PTPN13: variants seen among roughly 807,000 people sequenced by gnomAD.
The protein encoded by PTPN13 is tyrosine-protein phosphatase non-receptor type 13.
Under a neutral mutation model 284.0 loss-of-function variants are expected in PTPN13, and 191 were observed. The ratio of observed to expected loss-of-function variants is 0.67; its 90% CI spans 0.60 to 0.76. PTPN13 has a LOEUF of 0.76. PTPN13 is among the 30% of genes least tolerant of loss of function. PTPN13 has a pLI of 0.00. For synonymous variants in PTPN13, 986 were observed against 1,022.3 expected, an observed-to-expected ratio of 0.96 and a Z score of 0.68; for missense variants, 2,797 against 2,939.9, an observed-to-expected ratio of 0.95 and a Z score of 1.12.
At chr4:86,720,107 AC>A (rs1733491931) in intron 9 of PTPN13, among the ~76,000 whole-genome samples, 1 of 151,588 alleles carries the variant, frequency 6.6e-6, no homozygotes, top group Non-Finnish European at 1.5e-5. Flanking sequence ...CCAATTGAAA[AC>A]TCTTGCTTTT....
chr4:86,636,739 T>C (rs528131403), intron 2 of PTPN13, among the ~76,000 whole-genome samples: 2 of 151,842 alleles, frequency 1.3e-5, no homozygotes, highest in East Asian at 1.9e-4. Context: ...AGATCCAAAA[T>C]TGACACCCTA....
At chr4:86,783,226 A>T (rs1456231903) in intron 37 of PTPN13, among the ~76,000 whole-genome samples, 2 of 152,188 alleles carry the variant, frequency 1.3e-5, no homozygotes, top group African/African-American at 4.8e-5. Flanking sequence ...ACAGCAGAAC[A>T]TTTTAAGGTA....
At chr4:86,734,014 C>G (rs1735228047) in intron 12 of PTPN13, among the ~76,000 whole-genome samples, 2 of 152,150 alleles carry the variant, frequency 1.3e-5, no homozygotes, top group Admixed American at 6.5e-5. Flanking sequence ...AAACTGATGT[C>G]TAGAGAGGTA....
rs1410639091 is a variant in PTPN13, at chr4:86,689,716, A to G, written c.546+526A>G. On this transcript the variant is annotated intron_variant, in intron 5 of 47. Coordinates refer to ENST00000411767, the MANE Select transcript of PTPN13 (RefSeq NM_080683.3). Reference sequence around the variant, plus strand: ...GCTTGTATCCCTGCCAGATTTCCCCAAGACCTGGACTCTTCTAGTTTTTCT... The same window carrying G: ...GCTTGTATCCCTGCCAGATTTCCCCGAGACCTGGACTCTTCTAGTTTTTCT... 1.4e-5 allele frequency: 10 copies of G among 702,310 alleles called. 1 individual carries two copies. The South Asian group carries it at 1.5e-4, about 10-fold the overall frequency. The allele number at this position is 702,310 out of a possible 1,614,324, so 43.5% of individuals were successfully genotyped here.
Position 86,741,516 on chromosome 4 carries a change from G to A in PTPN13, c.2305-118G>A, listed in dbSNP as rs185508886. On this transcript the variant is annotated intron_variant, in intron 15 of 47. Transcript: ENST00000411767. ...TCTCAGTGGGTCTCTCCCATAACATGTGGGAATTCAAGATGAGATTTGTGG... is the reference window on the plus strand; with the variant it reads ...TCTCAGTGGGTCTCTCCCATAACATATGGGAATTCAAGATGAGATTTGTGG... 21 of 853,084 alleles carry A rather than the reference G, an allele frequency of 2.5e-5. 1 individual carries two copies. The Admixed American group carries it at 3.5e-4, about 14-fold the overall frequency. 52.8% of individuals were successfully genotyped at this position (853,084 alleles called of 1,614,324 possible).
Position 86,722,260 on chromosome 4 carries a change from C to A in PTPN13, c.1434C>A (p.Ile478=). Residue 478 remains isoleucine (I), a synonymous_variant, in exon 10 of 48, where the codon ATC becomes ATA. Transcript: ENST00000411767. ...AAGGCAACTTAATTAATCAAGAGAT[C>A]ATGCTAAAACGGCAAGAGGAAGAAC... is the stretch of plus-strand genomic sequence containing the variant. ...PFEGNLINQE[I]MLKRQEEELM... 6.2e-7 allele frequency: 1 copy of A among 1,613,782 alleles called. No homozygotes were observed. Among genetic ancestry groups the A allele is most frequent in the Non-Finnish European group, 8.5e-7 (1 of 1,179,808 alleles).
chr4:86,650,210 C>A (rs1724923264), intron 2 of PTPN13, among the ~76,000 whole-genome samples: 1 of 152,170 alleles, frequency 6.6e-6, no homozygotes, highest in Non-Finnish European at 1.5e-5. Context: ...TGGTCTCGAA[C>A]TCCTGACCTT....
chr4:86,660,653 A>G (rs1726381028), intron 2 of PTPN13, among the ~76,000 whole-genome samples: 1 of 152,146 alleles, frequency 6.6e-6, no homozygotes, highest in Non-Finnish European at 1.5e-5. Context: ...ATGTGTTTGA[A>G]CTGTGTGAAA....
chr4:86,790,325 A>T (rs1489981891), intron 40 of PTPN13, among the ~76,000 whole-genome samples: 1 of 152,200 alleles, frequency 6.6e-6, no homozygotes, highest in Non-Finnish European at 1.5e-5. Context: ...CTGAAAGGTC[A>T]TATTACAGGT....
chr4:86,767,850 C>A lies in PTPN13; in HGVS notation c.4363C>A (p.Pro1455Thr). Reference protein sequence around the residue: ...VHLLLEKGQSPTSKEHVPVTP... With the variant: ...VHLLLEKGQSTTSKEHVPVTP... ...TCTGTTATTAGAAAAGGGACAATCT[C>A]CAACATCTAAAGAACATGTCCCGGT... The change falls in exon 28 of 48, where the codon CCA becomes ACA. Residue 1455 changes from proline (P) to threonine (T), a missense_variant. Transcript: ENST00000411767. 1.3e-6 allele frequency: 2 copies of A among 1,598,248 alleles called. No individual in the cohort carries two copies. The highest frequency in any genetic ancestry group is 8.5e-7 in the Non-Finnish European group (1 of 1,171,212).
intron 2 of PTPN13, among the ~76,000 whole-genome samples, chr4:86,663,608 G>A (rs1726758053): frequency 6.6e-6 from 1 of 152,144 alleles, no homozygotes; most frequent in Admixed American, 6.5e-5. Flanking sequence ...CCATAATTAT[G>A]GGGCAGCATG....
chr4:86,813,654 T>C (rs1745475269), intron 47 of PTPN13, among the ~76,000 whole-genome samples: 1 of 152,150 alleles, frequency 6.6e-6, no homozygotes, highest in African/African-American at 2.4e-5. Context: ...CTTGAACTCC[T>C]GGCCTCAAGT....
In PTPN13 at chr4:86,734,822, T is replaced by G. The variant is rs747164588; in HGVS notation, c.2098T>G (p.Leu700Val). The change falls in exon 14 of 48, where the codon TTA (leucine) becomes GTA (valine). Residue 700 changes from leucine (L) to valine (V), a missense_variant. Physicochemically the swap from Leu to Val is conservative, Grantham distance 32. Transcript: ENST00000411767. The stretch of plus-strand genomic sequence containing the variant: ...GATGCACTGTGATGATGAGACTTCC[T>G]TATTGCTGGCATCCTTGGCTCTCCA... ...ERMHCDDETS[L>V]LLASLALQAE... The G allele has an allele frequency of 1.2e-6, 2 of 1,613,524 alleles. No individual in the cohort carries two copies. Among genetic ancestry groups the G allele is most frequent in the Non-Finnish European group, 1.7e-6 (2 of 1,179,568 alleles).
At chr4:86,668,895 C>T (rs1233304896) in intron 2 of PTPN13, among the ~76,000 whole-genome samples, 2 of 151,644 alleles carry the variant, frequency 1.3e-5, no homozygotes, top group Admixed American at 6.6e-5. Flanking sequence ...GCATGAGCCA[C>T]TGCGCCCAGC....
At chr4:86,687,307 T>C (rs1044389878) in intron 4 of PTPN13, among the ~76,000 whole-genome samples, 20 of 152,198 alleles carry the variant, frequency 1.3e-4, no homozygotes, top group African/African-American at 4.8e-4. Context: ...AAAGTAACAC[T>C]TGCTGAGGTC....
chr4:86,758,072 G>A (rs1022114279), intron 20 of PTPN13, among the ~76,000 whole-genome samples, 188 bp from the exon 21 acceptor site: 15 of 152,040 alleles, frequency 9.9e-5, no homozygotes, highest in Admixed American at 3.3e-4. Flanking sequence ...AATGTAATAC[G>A]TAGTCATTTT....
chr4:86,678,682 A>G (rs758777763), intron 3 of PTPN13, among the ~76,000 whole-genome samples: 9 of 152,190 alleles, frequency 5.9e-5, no homozygotes, highest in Non-Finnish European at 1.2e-4. Flanking sequence ...TGAAGGGACC[A>G]TCATTTCCCC....
At chr4:86,711,051 G>A (rs996036537) in intron 7 of PTPN13, among the ~76,000 whole-genome samples, 1 of 143,646 alleles carries the variant, frequency 7.0e-6, no homozygotes, top group African/African-American at 2.5e-5. Context: ...AGCCTCTCAA[G>A]TATCTAGGAC....
chr4:86,693,498 G>A (rs1730249571), intron 5 of PTPN13, 89 bp from the exon 6 acceptor site: 1 of 707,092 alleles, frequency 1.4e-6, no homozygotes, highest in Non-Finnish European at 2.3e-6. Flanking sequence ...TCCAAAAACT[G>A]TGTAACTAGT....
Sources: allele counts gnomAD v4.1 joint callset (sites outside exome capture counted in the v4.1 genomes callset), GRCh38; gene constraint gnomAD v4.1.1; transcripts MANE v1.5; gene names NCBI Gene and HGNC (gene_info 2026-07-23, HGNC 2026-07-21).